RNF216: variants seen among roughly 807,000 people sequenced by gnomAD.
RNF216 encodes ring finger protein 216.
RNF216 carries 72 observed loss-of-function variants against 110.8 expected under a neutral mutation model. The observed-to-expected ratio is 0.65, with a 90% confidence interval of 0.54 to 0.79. The LOEUF (loss-of-function observed/expected upper bound fraction) is 0.79. RNF216 is among the 30% of genes least tolerant of loss of function. RNF216 has a pLI of 0.00. For synonymous variants in RNF216, 495 were observed against 407.5 expected, an observed-to-expected ratio of 1.21 and a Z score of -2.59; for missense variants, 1,342 against 1,141.2, an observed-to-expected ratio of 1.18 and a Z score of -2.54.
intron 14 of RNF216, among the ~76,000 whole-genome samples, chr7:5,648,541 C>T (rs537481777): frequency 2.4e-4 from 37 of 151,334 alleles, no homozygotes; most frequent in Non-Finnish European, 4.6e-4. Flanking sequence ...CTGGTTAACA[C>T]GGTGAAACCC....
At chr7:5,684,105 T>TTC (rs1790828848) in intron 13 of RNF216, among the ~76,000 whole-genome samples, 1 of 135,114 alleles carries the variant, frequency 7.4e-6, no homozygotes, top group Non-Finnish European at 1.6e-5. Flanking sequence ...TTTTTTTTTT[T>TTC]TTTTTTTTTT....
intron 1 of RNF216, among the ~76,000 whole-genome samples, chr7:5,776,508 T>C (rs985497902): frequency 1.6e-4 from 22 of 139,600 alleles, no homozygotes; most frequent in Non-Finnish European, 2.7e-4. Context: ...GGCAGGAGAA[T>C]GGCGAGAACC....
chr7:5,653,296 G>A (rs1788510520), intron 13 of RNF216, among the ~76,000 whole-genome samples: 1 of 151,968 alleles, frequency 6.6e-6, no homozygotes, highest in African/African-American at 2.4e-5. Flanking sequence ...ACATCAGTAA[G>A]AATAATTTAA....
At chr7:5,734,753 G>A (rs1392250850) in intron 5 of RNF216, among the ~76,000 whole-genome samples, 1 of 151,466 alleles carries the variant, frequency 6.6e-6, no homozygotes, top group African/African-American at 2.4e-5. Flanking sequence ...GAACCTGGGA[G>A]GCGAAGGTTG....
At chr7:5,760,625 C>T (rs1417373681) in intron 2 of RNF216, 4 of 299,628 alleles carry the variant, frequency 1.3e-5, no homozygotes, top group South Asian at 1.3e-4. Flanking sequence ...AATTAAGCAT[C>T]ATGGGAAGAC....
At chr7:5,740,104 C>CTTT (rs71004698) in intron 4 of RNF216, among the ~76,000 whole-genome samples, 3 of 118,502 alleles carry the variant, frequency 2.5e-5, no homozygotes, top group African/African-American at 3.4e-5. Flanking sequence ...GATGTAACAC[C>CTTT]TTTTTTTTTT....
intron 7 of RNF216, among the ~76,000 whole-genome samples, chr7:5,729,054 C>A (rs1410502240): frequency 3.9e-5 from 6 of 152,198 alleles, no homozygotes; most frequent in Non-Finnish European, 8.8e-5. Context: ...CCCGGACTCT[C>A]TACAGACCTT....
chr7:5,760,530 AAAAAC>A (rs1412611453), intron 2 of RNF216: 2 of 331,388 alleles, frequency 6.0e-6, no homozygotes, highest in Non-Finnish European at 1.2e-5. Flanking sequence ...AAGAAAAAAA[AAAAAC>A]AAAACAAAAC....
chr7:5,753,236 G>C (rs1795428198), intron 2 of RNF216, among the ~76,000 whole-genome samples: 1 of 152,130 alleles, frequency 6.6e-6, no homozygotes, highest in Non-Finnish European at 1.5e-5. Context: ...CTCATACTAG[G>C]TTGGAGAAAT....
intron 14 of RNF216, among the ~76,000 whole-genome samples, chr7:5,647,217 T>C (rs946935965): frequency 2.6e-5 from 4 of 152,122 alleles, no homozygotes; most frequent in Non-Finnish European, 5.9e-5. Context: ...TACACTGTCA[T>C]GTTTTTGTAA....
intron 9 of RNF216, among the ~76,000 whole-genome samples, chr7:5,719,624 T>A (rs912039700): frequency 1.3e-5 from 2 of 152,218 alleles, no homozygotes; most frequent in African/African-American, 4.8e-5. Context: ...ATACTTTAAA[T>A]ACTTATCTGA....
chr7:5,773,664 T>A (rs1159045852), intron 1 of RNF216, among the ~76,000 whole-genome samples: 1 of 152,138 alleles, frequency 6.6e-6, no homozygotes, highest in East Asian at 1.9e-4. Context: ...GTCTCCCAGG[T>A]TCAAGCGATT....
At chr7:5,643,308 T>A (rs1214154123) in intron 14 of RNF216, among the ~76,000 whole-genome samples, 1 of 151,258 alleles carries the variant, frequency 6.6e-6, no homozygotes, top group East Asian at 1.9e-4. Flanking sequence ...GCCAGTAATA[T>A]AAAAGTGAAA....
At chr7:5,748,404 T>G (rs374586124) in intron 3 of RNF216, among the ~76,000 whole-genome samples, 5 of 152,138 alleles carry the variant, frequency 3.3e-5, no homozygotes, top group Non-Finnish European at 5.9e-5. Context: ...GGATTATAGG[T>G]GCTCACCACC....
chr7:5,753,102 C>T, intron 2 of RNF216, 123 bp from the exon 3 acceptor site: 1 of 904,506 alleles, frequency 1.1e-6, no homozygotes, highest in Non-Finnish European at 1.6e-6. Flanking sequence ...AACGTACCTC[C>T]TCAAGCAGCC....
intron 14 of RNF216, among the ~76,000 whole-genome samples, chr7:5,644,090 G>A (rs539466964): frequency 2.6e-4 from 39 of 152,130 alleles, no homozygotes; most frequent in Non-Finnish European, 4.4e-4. Context: ...TTCATGAGTT[G>A]ATGGATTGAG....
intron 14 of RNF216, among the ~76,000 whole-genome samples, chr7:5,648,176 G>A (rs768608039): frequency 1.6e-4 from 24 of 150,814 alleles, no homozygotes; most frequent in African/African-American, 4.6e-4. Context: ...GCGTGATCTC[G>A]GCTCACCATA....
In RNF216 at chr7:5,705,954, A is replaced by G. The variant is rs980853497; in HGVS notation, c.2061+5807T>C. Among the ~76,000 whole-genome samples, 68 of 150,404 alleles carry G rather than the reference A, an allele frequency of 4.5e-4. 2 individuals carry two copies. Among genetic ancestry groups the G allele is most frequent in the Admixed American group, 8.6e-4 (13 of 15,124 alleles). On this transcript the variant is annotated intron_variant, in intron 13 of 16. Coordinates refer to ENST00000389902, the MANE Select transcript of RNF216 (RefSeq NM_207111.4). ...AAACAAAACAAAACAAAACAAAACA[A>G]AACAAAACAAAACACCACTCTGGGA...
At chr7:5,772,985 G>A (rs1180306105) in intron 1 of RNF216, among the ~76,000 whole-genome samples, 1 of 151,988 alleles carries the variant, frequency 6.6e-6, no homozygotes, top group African/African-American at 2.4e-5. Flanking sequence ...TCACCATGTT[G>A]GCCAGGCTAG....
Sources: gnomAD v4.1 joint callset for allele counts (sites outside exome capture counted in the v4.1 genomes callset) on GRCh38, gnomAD v4.1.1 for gene constraint, MANE v1.5 for transcripts, NCBI Gene and HGNC (gene_info 2026-07-23, HGNC 2026-07-21) for gene names.